Variants in CSMD1 observed in about 807,000 individuals in gnomAD.
CSMD1 encodes the protein CUB and Sushi multiple domains 1.
A neutral mutation model predicts 417.5 loss-of-function variants in CSMD1; 213 were observed. The observed-to-expected ratio is 0.51, with a 90% CI of 0.46 to 0.57. The LOEUF (loss-of-function observed/expected upper bound fraction) is 0.57. Among genes scored for constraint, CSMD1 ranks in the 20% least tolerant of loss-of-function variants. The probability of loss-of-function intolerance (pLI) is 0.00; values close to 1 mark genes in which losing one functional copy is unlikely to be tolerated. For missense variants in CSMD1, 6,923 were observed against 4,529.7 expected, an observed-to-expected ratio of 1.53 and a Z score of -15.17; for synonymous variants, 2,862 against 1,736.8, an observed-to-expected ratio of 1.65 and a Z score of -16.11.
chr8:3,144,476 A>C (rs753081193), intron 40 of CSMD1, among the ~76,000 whole-genome samples: 2 of 152,112 alleles, frequency 1.3e-5, no homozygotes, highest in Non-Finnish European at 2.9e-5. Flanking sequence ...AATTTAAGCA[A>C]AATTTAGAAT....
chr8:3,345,895 T>A (rs1807957913), intron 22 of CSMD1, among the ~76,000 whole-genome samples: 1 of 152,234 alleles, frequency 6.6e-6, no homozygotes, highest in Admixed American at 6.5e-5. Flanking sequence ...CCATTCTATA[T>A]TCCTTTCATG....
intron 3 of CSMD1, among the ~76,000 whole-genome samples, chr8:4,162,485 G>T (rs988815549): frequency 6.6e-6 from 1 of 152,146 alleles, no homozygotes; most frequent in Admixed American, 6.5e-5. Context: ...CCAGTTTGAT[G>T]AACAGTTTTG....
intron 5 of CSMD1, among the ~76,000 whole-genome samples, chr8:3,784,351 A>C (rs1452247249): frequency 6.6e-6 from 1 of 152,206 alleles, no homozygotes; most frequent in Non-Finnish European, 1.5e-5. Context: ...TGTTCTATTG[A>C]AAAAATGGAG....
chr8:3,063,788 G>C (rs761349859), intron 49 of CSMD1, among the ~76,000 whole-genome samples: 4 of 152,164 alleles, frequency 2.6e-5, no homozygotes, highest in Non-Finnish European at 5.9e-5. Context: ...AATTCAGAGA[G>C]ACAAAGTAAA....
intron 52 of CSMD1, among the ~76,000 whole-genome samples, chr8:3,002,193 G>A (rs1196325800): frequency 6.6e-6 from 1 of 152,198 alleles, no homozygotes; most frequent in East Asian, 1.9e-4. Context: ...GGAGAACGTC[G>A]ATGAGGGTGA....
chr8:4,289,235 A>G (rs991450738), intron 3 of CSMD1, among the ~76,000 whole-genome samples: 10 of 152,152 alleles, frequency 6.6e-5, no homozygotes, highest in Non-Finnish European at 1.3e-4. Flanking sequence ...CATTTCTCAT[A>G]TTGTTATTCA....
At chr8:4,113,171 G>T (rs985042959) in intron 3 of CSMD1, among the ~76,000 whole-genome samples, 9 of 151,936 alleles carry the variant, frequency 5.9e-5, no homozygotes, top group African/African-American at 2.2e-4. Context: ...GGCCTTCCTA[G>T]CCCCAGAGAC....
At chr8:4,195,524 T>C (rs945453121) in intron 3 of CSMD1, among the ~76,000 whole-genome samples, 2 of 152,204 alleles carry the variant, frequency 1.3e-5, no homozygotes, top group African/African-American at 4.8e-5. Flanking sequence ...CCCCTGCTCT[T>C]GACTGTGAGA....
intron 5 of CSMD1, among the ~76,000 whole-genome samples, chr8:3,839,005 T>A (rs1283602716): frequency 7.9e-6 from 1 of 127,224 alleles, no homozygotes; most frequent in Non-Finnish European, 1.6e-5. Flanking sequence ...ATTATAATAT[T>A]ATATATTTAT....
chr8:4,167,593 A>T (rs185278417), intron 3 of CSMD1, among the ~76,000 whole-genome samples: 1 of 152,228 alleles, frequency 6.6e-6, no homozygotes, highest in East Asian at 1.9e-4. Flanking sequence ...AAGGATATGC[A>T]AATGGCAGAA....
chr8:4,178,635 C>A (rs1385616438), intron 3 of CSMD1, among the ~76,000 whole-genome samples: 1 of 152,022 alleles, frequency 6.6e-6, no homozygotes, highest in Non-Finnish European at 1.5e-5. Context: ...AAGAGGAAGT[C>A]AAATTGTCCC....
intron 3 of CSMD1, among the ~76,000 whole-genome samples, chr8:4,327,055 G>A (rs1418843593): frequency 6.6e-6 from 1 of 152,138 alleles, no homozygotes; most frequent in Non-Finnish European, 1.5e-5. Flanking sequence ...CAACTCAGAA[G>A]ACGACTTCAA....
intron 8 of CSMD1, among the ~76,000 whole-genome samples, chr8:3,587,493 G>C (rs1042063750): frequency 2.1e-5 from 3 of 146,046 alleles, no homozygotes; most frequent in East Asian, 2.0e-4. Context: ...TAATCATAGA[G>C]ACAAGATAGG....
At chr8:3,246,354 T>C (rs1799878997) in intron 26 of CSMD1, among the ~76,000 whole-genome samples, 1 of 152,180 alleles carries the variant, frequency 6.6e-6, no homozygotes, top group Non-Finnish European at 1.5e-5. Context: ...CAAAAATCCT[T>C]ATTTGGGTCA....
intron 2 of CSMD1, among the ~76,000 whole-genome samples, chr8:4,456,643 G>A (rs879600655): frequency 6.6e-6 from 1 of 152,066 alleles, no homozygotes; most frequent in Admixed American, 6.5e-5. Context: ...TCATCAGTAT[G>A]GCAGAGAGAC....
chr8:4,623,959 A>T (rs1214880071), intron 2 of CSMD1, among the ~76,000 whole-genome samples: 1 of 152,164 alleles, frequency 6.6e-6, no homozygotes, highest in Admixed American at 6.5e-5. Context: ...CCAATTTAAA[A>T]TTTTCAATAT....
chr8:4,462,366 T>G (rs1219268968), intron 2 of CSMD1, among the ~76,000 whole-genome samples: 1 of 151,926 alleles, frequency 6.6e-6, no homozygotes, highest in Non-Finnish European at 1.5e-5. Context: ...AATGGAAAAA[T>G]ATTTCATGTA....
At chr8:4,656,129 G>A (rs1194688693) in intron 1 of CSMD1, among the ~76,000 whole-genome samples, 1 of 152,054 alleles carries the variant, frequency 6.6e-6, no homozygotes, top group Non-Finnish European at 1.5e-5. Flanking sequence ...GTGTGTCAAT[G>A]AGAGGTGATG....
chr8:4,778,290 C>T (rs913052820), intron 1 of CSMD1, among the ~76,000 whole-genome samples: 9 of 152,048 alleles, frequency 5.9e-5, no homozygotes, highest in Non-Finnish European at 1.2e-4. Flanking sequence ...TCTAATTTTG[C>T]AAATAAAAAG....
Sources: allele counts gnomAD v4.1 joint callset (sites outside exome capture counted in the v4.1 genomes callset), GRCh38; gene constraint gnomAD v4.1.1; transcripts MANE v1.5; gene names NCBI Gene and HGNC (gene_info 2026-07-23, HGNC 2026-07-21).